Variants in CNTNAP2 observed in about 807,000 individuals in gnomAD.
CNTNAP2 encodes contactin associated protein 2, also known as contactin-associated protein-like 2.
In CNTNAP2, 98 loss-of-function variants were observed where a neutral mutation model predicts 155.2. The observed-to-expected ratio is 0.63, with a 90% CI of 0.54 to 0.75. The LOEUF (loss-of-function observed/expected upper bound fraction) is 0.75. Among genes scored for constraint, CNTNAP2 ranks in the 30% least tolerant of loss-of-function variants. CNTNAP2 has a pLI of 0.00. For synonymous variants in CNTNAP2, 651 were observed against 631.2 expected, an observed-to-expected ratio of 1.03 and a Z score of -0.47; for missense variants, 1,727 against 1,688.1, an observed-to-expected ratio of 1.02 and a Z score of -0.40.
At chr7:148,275,608 C>T (rs966253181) in intron 21 of CNTNAP2, among the ~76,000 whole-genome samples, 3 of 152,210 alleles carry the variant, frequency 2.0e-5, no homozygotes, top group Non-Finnish European at 4.4e-5. Context: ...GAAATAGCCT[C>T]ATTCATGTGG....
intron 3 of CNTNAP2, among the ~76,000 whole-genome samples, chr7:146,952,805 C>T (rs1797348942): frequency 6.6e-6 from 1 of 152,006 alleles, no homozygotes; most frequent in Non-Finnish European, 1.5e-5. Flanking sequence ...TCTAAAGGCA[C>T]ATAAGATCAC....
intron 2 of CNTNAP2, among the ~76,000 whole-genome samples, chr7:146,802,128 C>G (rs1284127853): frequency 6.6e-6 from 1 of 152,150 alleles, no homozygotes; most frequent in Non-Finnish European, 1.5e-5. Flanking sequence ...ACTCACAGTT[C>G]TATAGGTCAG....
At chr7:148,056,229 G>T (rs953748729) in intron 15 of CNTNAP2, among the ~76,000 whole-genome samples, 6 of 152,102 alleles carry the variant, frequency 3.9e-5, no homozygotes, top group Non-Finnish European at 8.8e-5. Context: ...ATTTGCTGTG[G>T]AATTTTCCAG....
chr7:147,977,285 C>G (rs1304283698), intron 14 of CNTNAP2, among the ~76,000 whole-genome samples: 1 of 152,174 alleles, frequency 6.6e-6, no homozygotes, highest in African/African-American at 2.4e-5. Flanking sequence ...GGGCTCAAAT[C>G]TCGGCTCCAC....
chr7:147,992,146 G>A (rs972016694), intron 15 of CNTNAP2, among the ~76,000 whole-genome samples: 6 of 131,886 alleles, frequency 4.5e-5, no homozygotes, highest in African/African-American at 8.9e-5. Context: ...CTAGGCTGGA[G>A]TGCAGTGGCG....
rs549400508 is a variant in CNTNAP2, at chr7:147,175,669, A to C, written c.1348+43160A>C. 1.3e-3 allele frequency among the ~76,000 whole-genome samples: 203 copies of C among 152,278 alleles called. 1 individual carries two copies. The highest frequency in any genetic ancestry group is 0.01 in the Middle Eastern group (3 of 294). On this transcript the variant is annotated intron_variant, in intron 8 of 23. Coordinates refer to ENST00000361727, the MANE Select transcript of CNTNAP2 (RefSeq NM_014141.6). ...CCCACAGCATCGCAGGGATGAGTTC[A>C]TGAGGGAGTATGCAGCCACAATACC...
intron 13 of CNTNAP2, among the ~76,000 whole-genome samples, chr7:147,640,904 C>A (rs7801452): frequency 6.6e-6 from 1 of 151,916 alleles, no homozygotes; most frequent in Non-Finnish European, 1.5e-5. Flanking sequence ...TGACCGGGCA[C>A]GTTATTCACG....
intron 1 of CNTNAP2, among the ~76,000 whole-genome samples, chr7:146,274,598 A>G (rs1171965165): frequency 6.6e-6 from 1 of 152,114 alleles, no homozygotes; most frequent in Non-Finnish European, 1.5e-5. Context: ...AGACCAGGGA[A>G]TGCTTAGTTA....
intron 1 of CNTNAP2, among the ~76,000 whole-genome samples, chr7:146,190,721 T>C (rs1368424171): frequency 6.6e-6 from 1 of 152,192 alleles, no homozygotes; most frequent in Non-Finnish European, 1.5e-5. Flanking sequence ...TCAAGAGGTA[T>C]ACATGAATAC....
intron 11 of CNTNAP2, among the ~76,000 whole-genome samples, chr7:147,512,684 A>G (rs749650778): frequency 1.3e-5 from 2 of 152,180 alleles, no homozygotes; most frequent in Admixed American, 6.5e-5. Flanking sequence ...TCTGTCTATC[A>G]TATCACCTTC....
At chr7:147,185,287 A>G (rs908056412) in intron 8 of CNTNAP2, among the ~76,000 whole-genome samples, 5 of 152,200 alleles carry the variant, frequency 3.3e-5, no homozygotes, top group Admixed American at 6.5e-5. Flanking sequence ...TTCATTAATA[A>G]TCATAACATC....
chr7:146,131,622 T>C (rs1307454271), intron 1 of CNTNAP2, among the ~76,000 whole-genome samples: 1 of 152,200 alleles, frequency 6.6e-6, no homozygotes, highest in East Asian at 1.9e-4. Context: ...AGGTCTTGCT[T>C]TATAATTTGT....
In CNTNAP2 at chr7:146,870,961, A is replaced by C. The variant is rs191778742; in HGVS notation, c.402+31057A>C. 2.8e-3 allele frequency among the ~76,000 whole-genome samples: 425 copies of C among 152,294 alleles called. 3 individuals carry two copies. Among genetic ancestry groups the C allele is most frequent in the African/African-American group, 9.8e-3 (408 of 41,586 alleles). On this transcript the variant is annotated intron_variant, in intron 3 of 23. Coordinates refer to ENST00000361727, the MANE Select transcript of CNTNAP2 (RefSeq NM_014141.6). ...TATTGTTTATTCAGTGGAAGGAAAA[A>C]AGACTAAACATAATTTTTACACATT...
intron 1 of CNTNAP2, among the ~76,000 whole-genome samples, chr7:146,402,856 G>T (rs1442961116): frequency 6.6e-6 from 1 of 152,024 alleles, no homozygotes; most frequent in African/African-American, 2.4e-5. Context: ...TTTTGACTTT[G>T]AATAACTTAA....
At chr7:147,388,180 T>G (rs1270523121) in intron 9 of CNTNAP2, among the ~76,000 whole-genome samples, 2 of 152,230 alleles carry the variant, frequency 1.3e-5, no homozygotes, top group Admixed American at 6.5e-5. Flanking sequence ...GTATGCAAAT[T>G]GCCCTTAATT....
At position 148,226,616 on chromosome 7, in the gene CNTNAP2, G is replaced by A. The variant is rs113314818; in HGVS notation, c.3248-3030G>A. 8.3e-4 allele frequency among the ~76,000 whole-genome samples: 111 copies of A among 134,132 alleles called. 1 individual carries two copies. Among genetic ancestry groups the A allele is most frequent in the African/African-American group, 3.1e-3 (107 of 34,694 alleles). 88.0% of individuals were successfully genotyped at this position (134,132 alleles called of 152,430 possible). On this transcript the variant is annotated intron_variant, in intron 19 of 23. Coordinates refer to ENST00000361727, the MANE Select transcript of CNTNAP2 (RefSeq NM_014141.6). ...TTAACGGGTATATGACCTTCCTCTAGGAACACTCAACTGGAAAGGGGAAAA... is the reference window on the plus strand; with the variant it reads ...TTAACGGGTATATGACCTTCCTCTAAGAACACTCAACTGGAAAGGGGAAAA...
chr7:147,266,323 G>T (rs1804606573), intron 8 of CNTNAP2, among the ~76,000 whole-genome samples: 1 of 152,160 alleles, frequency 6.6e-6, no homozygotes, highest in Non-Finnish European at 1.5e-5. Context: ...ATAGCACAAA[G>T]ATATTTTAAA....
At position 147,281,632 on chromosome 7, in the gene CNTNAP2, C is replaced by T. The variant is rs185998287; in HGVS notation, c.1349-18509C>T. 1.9e-3 allele frequency among the ~76,000 whole-genome samples: 286 copies of T among 151,686 alleles called. 1 individual carries two copies. The highest frequency in any genetic ancestry group is 2.8e-3 in the Non-Finnish European group (189 of 67,812). On this transcript the variant is annotated intron_variant, in intron 8 of 23. Coordinates refer to ENST00000361727, the MANE Select transcript of CNTNAP2 (RefSeq NM_014141.6). ...AAATTAAATAATCCCTACAATACTACTAATATATTCACATTTATTGGATAT... is the reference window on the plus strand; with the variant it reads ...AAATTAAATAATCCCTACAATACTATTAATATATTCACATTTATTGGATAT...
At chr7:148,254,866 C>G (rs1052482496) in intron 20 of CNTNAP2, among the ~76,000 whole-genome samples, 7 of 151,746 alleles carry the variant, frequency 4.6e-5, no homozygotes, top group African/African-American at 1.7e-4. Flanking sequence ...GCGACTCTTC[C>G]TAATTTTATT....
Sources: allele counts gnomAD v4.1 joint callset (sites outside exome capture counted in the v4.1 genomes callset), GRCh38; gene constraint gnomAD v4.1.1; transcripts MANE v1.5; gene names NCBI Gene and HGNC (gene_info 2026-07-23, HGNC 2026-07-21).